The following DCC variants were observed in gnomAD, a reference collection of about 807,000 sequenced individuals.
The protein encoded by DCC is DCC netrin 1 receptor.
Under a neutral mutation model 172.5 loss-of-function variants are expected in DCC, and 58 were observed. The observed-to-expected ratio is 0.34, with a 90% CI of 0.27 to 0.42. DCC has a LOEUF of 0.42. DCC is among the 10% of genes least tolerant of loss of function. DCC has a pLI of 1.00. For synonymous variants in DCC, 709 were observed against 644.5 expected (o/e 1.10, Z -1.52); for missense variants, 1,740 against 1,791.0 (o/e 0.97, Z 0.51).
chr18:52,506,438 G>A (rs1473522816), intron 1 of DCC, among the ~76,000 whole-genome samples: 1 of 151,912 alleles, frequency 6.6e-6, no homozygotes, highest in African/African-American at 2.4e-5. Flanking sequence ...TAAATAAAAG[G>A]TACACAAACA....
chr18:52,988,874 G>T (rs1305253216), intron 5 of DCC, among the ~76,000 whole-genome samples: 1 of 151,928 alleles, frequency 6.6e-6, no homozygotes, highest in Non-Finnish European at 1.5e-5. Flanking sequence ...TATTAGCTAT[G>T]AATTGACTTG....
chr18:52,434,187 TA>T (rs1208657002), intron 1 of DCC, among the ~76,000 whole-genome samples: 1 of 152,242 alleles, frequency 6.6e-6, no homozygotes, highest in Non-Finnish European at 1.5e-5. Flanking sequence ...CCTATGTAGT[TA>T]GCTGGCTATA....
intron 27 of DCC, among the ~76,000 whole-genome samples, chr18:53,504,890 T>C (rs760108486): frequency 6.6e-6 from 1 of 152,192 alleles, no homozygotes; most frequent in Non-Finnish European, 1.5e-5. Flanking sequence ...GACAGCCAAA[T>C]GTAAAGAATT....
At chr18:52,906,595 A>G (rs1322192202) in intron 3 of DCC, among the ~76,000 whole-genome samples, 3 of 149,974 alleles carry the variant, frequency 2.0e-5, no homozygotes, top group African/African-American at 4.9e-5. Context: ...ATATTTAGTG[A>G]GTATTTCTTT....
chr18:52,652,207 A>T (rs2035146276), intron 1 of DCC, among the ~76,000 whole-genome samples: 1 of 152,172 alleles, frequency 6.6e-6, no homozygotes, highest in South Asian at 2.1e-4. Flanking sequence ...AAGCCATCAA[A>T]GTAAGGGAGG....
chr18:53,191,016 T>C (rs4940246), intron 9 of DCC, among the ~76,000 whole-genome samples: 47,272 of 152,088 alleles, frequency 0.31, 9,186 homozygotes, highest in East Asian at 0.59. Context: ...TGAATTATAC[T>C]AACCGTCATG....
chr18:52,619,841 C>G (rs1026575063), intron 1 of DCC, among the ~76,000 whole-genome samples: 1 of 152,190 alleles, frequency 6.6e-6, no homozygotes, highest in African/African-American at 2.4e-5. Context: ...CCCAGTCACC[C>G]TCTCTCTGAT....
chr18:52,925,532 G>A (rs967910650), intron 5 of DCC, among the ~76,000 whole-genome samples, 162 bp downstream of exon 5: 1 of 151,944 alleles, frequency 6.6e-6, no homozygotes, highest in African/African-American at 2.4e-5. Flanking sequence ...TAATTGCATA[G>A]GGGTTATATG....
At chr18:52,887,063 G>GTAGC (rs2039580695) in intron 2 of DCC, among the ~76,000 whole-genome samples, 1 of 152,180 alleles carries the variant, frequency 6.6e-6, no homozygotes, top group South Asian at 2.1e-4. Context: ...CTGGAGTGGA[G>GTAGC]TAGCCATGGT....
At chr18:52,574,510 T>C (rs1371675913) in intron 1 of DCC, among the ~76,000 whole-genome samples, 1 of 152,196 alleles carries the variant, frequency 6.6e-6, no homozygotes, top group Non-Finnish European at 1.5e-5. Context: ...AGCTATGGAA[T>C]AGTTCTTTAG....
chr18:53,124,263 A>G (rs1169573232), intron 7 of DCC, among the ~76,000 whole-genome samples: 1 of 152,146 alleles, frequency 6.6e-6, no homozygotes, highest in Non-Finnish European at 1.5e-5. Context: ...TCTAAGTAAT[A>G]GAACAATTAA....
At chr18:52,709,691 C>G (rs1389999377) in intron 1 of DCC, among the ~76,000 whole-genome samples, 2 of 152,154 alleles carry the variant, frequency 1.3e-5, no homozygotes, top group Non-Finnish European at 2.9e-5. Flanking sequence ...AAGATTAATA[C>G]AACTACTAAG....
chr18:52,479,478 T>C (rs1383478062), intron 1 of DCC, among the ~76,000 whole-genome samples: 1 of 151,874 alleles, frequency 6.6e-6, no homozygotes, highest in Non-Finnish European at 1.5e-5. Flanking sequence ...CAATTAAAGC[T>C]ACTAGGACAT....
intron 2 of DCC, among the ~76,000 whole-genome samples, chr18:52,841,926 G>A (rs1428939154): frequency 4.0e-5 from 6 of 151,586 alleles, no homozygotes; most frequent in South Asian, 2.1e-4. Flanking sequence ...ACTGACAACC[G>A]GAACAAATAT....
At chr18:52,493,626 G>T (rs2030612799) in intron 1 of DCC, among the ~76,000 whole-genome samples, 1 of 151,968 alleles carries the variant, frequency 6.6e-6, no homozygotes, top group Non-Finnish European at 1.5e-5. Flanking sequence ...AATGATTTCA[G>T]TGCTCCCATT....
At chr18:53,096,992 G>A (rs2043097852) in intron 7 of DCC, among the ~76,000 whole-genome samples, 2 of 152,094 alleles carry the variant, frequency 1.3e-5, no homozygotes, top group Admixed American at 6.6e-5. Flanking sequence ...AAAGAAGAAA[G>A]GAAGAAAAGA....
intron 9 of DCC, 106 bp downstream of exon 9, chr18:53,179,222 AG>A: frequency 8.6e-7 from 1 of 1,166,590 alleles, no homozygotes; most frequent in Non-Finnish European, 1.2e-6. Context: ...AGCGAAGAAG[AG>A]TTTTTTTTCT....
At chr18:52,981,267 G>T (rs1311689619) in intron 5 of DCC, among the ~76,000 whole-genome samples, 2 of 152,102 alleles carry the variant, frequency 1.3e-5, no homozygotes, top group African/African-American at 4.8e-5. Flanking sequence ...TATACCCATA[G>T]ACTCAGTTTG....
intron 1 of DCC, among the ~76,000 whole-genome samples, chr18:52,494,950 C>T (rs2030683978): frequency 6.6e-6 from 1 of 152,090 alleles, no homozygotes; most frequent in Non-Finnish European, 1.5e-5. Flanking sequence ...ACTCTTTTCT[C>T]TACTAGGAAG....
Sources: allele counts gnomAD v4.1 joint callset (sites outside exome capture counted in the v4.1 genomes callset), GRCh38; gene constraint gnomAD v4.1.1; transcripts MANE v1.5; gene names NCBI Gene and HGNC (gene_info 2026-07-23, HGNC 2026-07-21).